Variants in COMMD9 observed in about 807,000 individuals in gnomAD.
COMMD9 encodes the protein COMM domain-containing protein 9.
In COMMD9, 22 loss-of-function variants were observed where a neutral mutation model predicts 23.4. The observed-to-expected ratio is 0.94, with a 90% CI of 0.67 to 1.34. The LOEUF is 1.34. Among genes scored for constraint, COMMD9 ranks in the 40% most tolerant of loss-of-function variants. The pLI, the probability that COMMD9 is intolerant of heterozygous loss-of-function variation, is 0.00. For synonymous variants in COMMD9, 99 were observed against 97.4 expected (o/e 1.02, Z -0.10); for missense variants, 231 against 240.2 (o/e 0.96, Z 0.25).
intron 1 of COMMD9, among the ~76,000 whole-genome samples, chr11:36,286,932 ATGTTTTGTATTT>A (rs1856168466): frequency 6.6e-6 from 1 of 152,044 alleles, no homozygotes; most frequent in African/African-American, 2.4e-5. Context: ...GGTGGTGGAA[ATGTTTTGTATTT>A]TGACTGTCAA....
rs199945099 is a variant in COMMD9, at chr11:36,289,355, G to C, written c.51+7C>G. The stretch of plus-strand genomic sequence containing the variant: ...CACCTCACGCTGTCCCCACCCCTTC[G>C]ACTTACCTTGAGCAGGCTCTGGAGT... On this transcript the variant is annotated splice_region_variant and intron_variant, in intron 1 of 5. Coordinates refer to ENST00000263401, the MANE Select transcript of COMMD9 (RefSeq NM_014186.4). 6.4e-7 allele frequency: 1 copy of C among 1,551,340 alleles called. No homozygotes were observed. The highest frequency in any genetic ancestry group is 8.7e-7 in the Non-Finnish European group (1 of 1,146,780).
Position 36,274,785 on chromosome 11 carries a change from C to T in COMMD9, c.457-13G>A. On this transcript the variant is annotated splice_polypyrimidine_tract_variant and intron_variant, in intron 5 of 5. Transcript: ENST00000263401. Reference sequence around the variant, plus strand: ...GATCTTCTTGGATCTGAAACGAGAACACAGCCCAGAAAGTCAAAGCTGCCT... The same window carrying T: ...GATCTTCTTGGATCTGAAACGAGAATACAGCCCAGAAAGTCAAAGCTGCCT... 1 of 1,614,040 alleles carries T rather than the reference C, an allele frequency of 6.2e-7. No individual in the cohort carries two copies. Among genetic ancestry groups the T allele is most frequent in the Non-Finnish European group, 8.5e-7 (1 of 1,179,924 alleles).
intron 1 of COMMD9, among the ~76,000 whole-genome samples, chr11:36,287,106 C>T (rs11033531): frequency 0.95 from 56,824 of 59,870 alleles, 27,052 homozygotes; most frequent in South Asian, 1. Flanking sequence ...ATGTATATCG[C>T]GTAGTATGTA....
chr11:36,280,514 G>C lies in COMMD9; in HGVS notation c.177+198C>G, dbSNP rs1856047364. 2.0e-5 allele frequency among the ~76,000 whole-genome samples: 3 copies of C among 152,216 alleles called. No homozygotes were observed. In the South Asian group the frequency reaches 6.2e-4, roughly 32 times the overall value. ...GTTGGCTTTTGTTCCACATTGTCTA[G>C]GTAATAGGTCTGAAAGAAAATGGTC... On this transcript the variant is annotated intron_variant, in intron 2 of 5. Transcript: ENST00000263401.
intron 1 of COMMD9, among the ~76,000 whole-genome samples, chr11:36,282,969 A>G (rs568009742): frequency 2.0e-5 from 3 of 152,310 alleles, no homozygotes; most frequent in African/African-American, 7.2e-5. Context: ...GAGTCCAAAA[A>G]ATGAAGAACC....
In COMMD9 at chr11:36,273,870, G is replaced by GAATT. The variant is rs1260099149; in HGVS notation, c.*758_*761dup. The GAATT allele has an allele frequency of 6.0e-6, 1 of 167,714 alleles. No homozygotes were observed. The highest frequency in any genetic ancestry group is 2.4e-5 in the African/African-American group (1 of 41,830). The allele number at this position is 167,714 out of a possible 1,614,324, so 10.4% of individuals were successfully genotyped here. ...CACCATGGGTCAAGGGCTTAGCTGG[G>GAATT]AATTAGGAAGTTGGGATCATCTTTA... is the stretch of plus-strand genomic sequence containing the variant. On this transcript the variant is annotated 3_prime_UTR_variant, in exon 6 of 6. Transcript: ENST00000263401.
Position 36,278,435 on chromosome 11 carries a change from A to T in COMMD9, c.317+42T>A, listed in dbSNP as rs768105869. 8 of 1,538,720 alleles carry T rather than the reference A, an allele frequency of 5.2e-6. No individual in the cohort carries two copies. The East Asian group carries it at 1.3e-4, about 26-fold the overall frequency. ...TAGAATGAGAATAAAAATAATAAGA[A>T]ATGTAAAAGTTAGAAGGGACTTTCA... is the stretch of plus-strand genomic sequence containing the variant. On this transcript the variant is annotated intron_variant, in intron 3 of 5. Coordinates refer to ENST00000263401, the MANE Select transcript of COMMD9 (RefSeq NM_014186.4).
At chr11:36,278,169 C>G (rs962336567) in intron 3 of COMMD9, 3 of 275,260 alleles carry the variant, frequency 1.1e-5, no homozygotes, top group Non-Finnish European at 2.0e-5. Flanking sequence ...ATTTCACTAT[C>G]GTTAATACTG....
intron 5 of COMMD9, among the ~76,000 whole-genome samples, chr11:36,275,356 A>C (rs528393779): frequency 2.0e-5 from 3 of 152,336 alleles, no homozygotes; most frequent in African/African-American, 7.2e-5. Flanking sequence ...GATTCCTGAA[A>C]ATAACTATAA....
intron 4 of COMMD9, 139 bp downstream of exon 4, chr11:36,276,950 A>ACCCC: frequency 7.6e-6 from 4 of 526,560 alleles, no homozygotes; most frequent in South Asian, 7.7e-5. Context: ...TTAGGGAAAA[A>ACCCC]ACCCACCATA....
rs1051238773 is a variant in COMMD9, at chr11:36,274,454, C to T, written c.*178G>A. On this transcript the variant is annotated 3_prime_UTR_variant, in exon 6 of 6. Transcript: ENST00000263401. ...AGAGAAAGAAGATGAGTGAGAACAG[C>T]GGGGGATCTGGCTGCTTCTTCCCAA... The T allele has an allele frequency of 1.5e-5, 12 of 802,744 alleles. 1 individual carries two copies. Among genetic ancestry groups the T allele is most frequent in the South Asian group, 8.3e-5 (6 of 71,860 alleles). The allele number at this position is 802,744 out of a possible 1,614,324, so 49.7% of individuals were successfully genotyped here.
chr11:36,286,755 T>C (rs11033527), intron 1 of COMMD9, among the ~76,000 whole-genome samples: 55,423 of 152,026 alleles, frequency 0.36, 11,056 homozygotes, highest in Non-Finnish European at 0.44. Context: ...GAAAGAACTA[T>C]TGATACACAC....
chr11:36,278,569 G>T lies in COMMD9; in HGVS notation c.225C>A (p.Asp75Glu). 3 of 1,614,192 alleles carry T rather than the reference G, an allele frequency of 1.9e-6. No homozygotes were observed. Among genetic ancestry groups the T allele is most frequent in the Non-Finnish European group, 2.5e-6 (3 of 1,180,012 alleles). ...CCAGAATTGCCTCGGCAGAGGACAG[G>T]TCACGGAATGCCACCAGCCTAGTGA... Reference protein sequence around the residue: ...HRLTRLVAFRDLSSAEAILAL... With the variant: ...HRLTRLVAFRELSSAEAILAL... Residue 75 changes from aspartate (D) to glutamate (E), a missense_variant, in exon 3 of 6, where the codon GAC (aspartate) becomes GAA (glutamate). Asp to Glu is a conservative substitution (Grantham distance 45). Coordinates refer to ENST00000263401, the MANE Select transcript of COMMD9 (RefSeq NM_014186.4).
Position 36,289,422 on chromosome 11 carries a change from G to A in COMMD9, c.-10C>T, listed in dbSNP as rs1421362817. On this transcript the variant is annotated 5_prime_UTR_variant, in exon 1 of 6. Coordinates refer to ENST00000263401, the MANE Select transcript of COMMD9 (RefSeq NM_014186.4). ...CTGTCAGGGCAGCCATCTTGCCGAAGTCACATGACCGTGGCACCCAGGGAA... is the reference window on the plus strand; with the variant it reads ...CTGTCAGGGCAGCCATCTTGCCGAAATCACATGACCGTGGCACCCAGGGAA... 6 of 1,551,802 alleles carry A rather than the reference G, an allele frequency of 3.9e-6. No individual in the cohort carries two copies. The highest frequency in any genetic ancestry group is 1.4e-5 in the African/African-American group (1 of 73,172).
rs553483354 is a variant in COMMD9, at chr11:36,285,180, T to C, written c.51+4182A>G. Among the ~76,000 whole-genome samples, 21 of 152,196 alleles carry C rather than the reference T, an allele frequency of 1.4e-4. No individual in the cohort carries two copies. The Middle Eastern group carries it at 0.014, about 99-fold the overall frequency. On this transcript the variant is annotated intron_variant, in intron 1 of 5. Transcript: ENST00000263401. ...GTATTAGGAATGAAATAGAGGATAT[T>C]ATCACAGATCCTGCAGACATCAAAA...
chr11:36,287,133 T>C (rs568864682), intron 1 of COMMD9, among the ~76,000 whole-genome samples: 9,772 of 55,172 alleles, frequency 0.18, 1,061 homozygotes, highest in Middle Eastern at 0.27. Context: ...ATACTATGTA[T>C]ATCGCGTAGT....
intron 2 of COMMD9, among the ~76,000 whole-genome samples, chr11:36,280,266 TGAG>T (rs1486879439): frequency 6.6e-6 from 1 of 152,190 alleles, no homozygotes; most frequent in Non-Finnish European, 1.5e-5. Flanking sequence ...TCAGGTGAGC[TGAG>T]GAGAAGGGGA....
At chr11:36,278,282 T>A in intron 3 of COMMD9, 195 bp downstream of exon 3, 1 of 533,416 alleles carries the variant, frequency 1.9e-6, no homozygotes, top group Non-Finnish European at 3.3e-6. Flanking sequence ...AAAAAAAACA[T>A]GTTTTAAAAG....
chr11:36,280,860 G>GAA (rs368958974), intron 1 of COMMD9, 23 bp from the exon 2 acceptor site: 149 of 1,260,472 alleles, frequency 1.2e-4, no homozygotes, highest in South Asian at 2.1e-4. Context: ...TCACAGATAG[G>GAA]AAAAAAAAAA....
Sources: allele counts gnomAD v4.1 joint callset (sites outside exome capture counted in the v4.1 genomes callset), GRCh38; gene constraint gnomAD v4.1.1; transcripts MANE v1.5; gene names NCBI Gene and HGNC (gene_info 2026-07-23, HGNC 2026-07-21).